The following CCDC30 variants were observed in gnomAD, a reference collection of about 807,000 sequenced individuals.
CCDC30 encodes the protein coiled-coil domain containing 30.
In CCDC30, 70 loss-of-function variants were observed where a neutral mutation model predicts 100.2. The observed-to-expected ratio is 0.70, with a 90% CI of 0.58 to 0.85. The LOEUF (loss-of-function observed/expected upper bound fraction) is 0.85. CCDC30 is among the 40% of genes least tolerant of loss of function. The pLI is 0.00. For synonymous variants in CCDC30, 233 were observed against 269.5 expected (o/e 0.86, Z 1.33); for missense variants, 652 against 771.2 (o/e 0.85, Z 1.83).
At chr1:42,461,696 G>A (rs1296628779), upstream of CCDC30, among the ~76,000 whole-genome samples, 5 of 152,052 alleles carry the variant, frequency 3.3e-5, no homozygotes, top group Middle Eastern at 3.4e-3. Context: ...ACAGGCGCCC[G>A]CCACCACGCC....
intron 10 of CCDC30, chr1:42,592,387 T>A (rs1646203803): frequency 6.6e-6 from 1 of 152,176 alleles, no homozygotes; most frequent in African/African-American, 2.4e-5. Flanking sequence ...ATAGTGAGTG[T>A]GCTCTTCATG....
chr1:42,566,501 T>C (rs1332217605), intron 7 of CCDC30, 26 bp downstream of exon 11: 3 of 1,593,916 alleles, frequency 1.9e-6, no homozygotes, highest in Non-Finnish European at 2.6e-6. Context: ...AAATGCTTTA[T>C]GGAAGGGTTT....
chr1:42,510,864 C>A (rs1244204112), intron 6 of CCDC30, among the ~76,000 whole-genome samples: 1 of 151,592 alleles, frequency 6.6e-6, no homozygotes, highest in African/African-American at 2.4e-5. Flanking sequence ...GATATGACTG[C>A]TATAAGGGCT....
rs113819256 is a variant in CCDC30 at position 42,502,592 on chromosome 1, G to A, written c.456+3676G>A. Among the ~76,000 whole-genome samples, 930 of 152,106 alleles carry A rather than the reference G, an allele frequency of 6.1e-3. 13 individuals are homozygous for A. The highest frequency in any genetic ancestry group is 0.022 in the African/African-American group (896 of 41,482). On this transcript the variant is annotated intron_variant, in intron 6 of 16. Coordinates refer to ENST00000668663, the Ensembl canonical transcript of CCDC30. ...CTGTAGACTGGAGCTGTTCCTATTCGGCCATCTTGGAACCTCCCTCGTGAA... is the reference window on the plus strand; with the variant it reads ...CTGTAGACTGGAGCTGTTCCTATTCAGCCATCTTGGAACCTCCCTCGTGAA...
chr1:42,572,766 A>G (rs1645758033), intron 7 of CCDC30, among the ~76,000 whole-genome samples: 1 of 152,044 alleles, frequency 6.6e-6, no homozygotes, highest in African/African-American at 2.4e-5. Flanking sequence ...ACAGGCACAC[A>G]CCACCATGCC....
chr1:42,456,685 T>TA, the CCDC30 span: 1 of 1,606,026 alleles, frequency 6.2e-7, no homozygotes, highest in African/African-American at 1.3e-5. Context: ...TGGTGTTGGT[T>TA]ACGTCAGGCG....
In CCDC30 at chr1:42,495,504, G is replaced by A. The variant is rs545495208; in HGVS notation, c.242-1594G>A. The stretch of plus-strand genomic sequence containing the variant: ...ACATGTACCCTAAAACTTAAAGTAT[G>A]ATAATAAAAAAATAAAAATAAAAAA... On this transcript the variant is annotated intron_variant, in intron 4 of 16. Coordinates refer to ENST00000668663, the Ensembl canonical transcript of CCDC30. 1.1e-3 allele frequency among the ~76,000 whole-genome samples: 167 copies of A among 146,384 alleles called. 3 individuals are homozygous for A. The South Asian group carries it at 0.035, about 30-fold the overall frequency.
intron 6 of CCDC30, among the ~76,000 whole-genome samples, chr1:42,549,011 A>G (rs1047316330): frequency 1.3e-5 from 2 of 152,178 alleles, no homozygotes; most frequent in Admixed American, 6.5e-5. Context: ...TTCTTTTGTC[A>G]TAGAGTAACG....
At chr1:42,465,821 A>C (rs1406661977) in intron 1 of CCDC30, among the ~76,000 whole-genome samples, 1 of 152,192 alleles carries the variant, frequency 6.6e-6, no homozygotes, top group East Asian at 1.9e-4. Context: ...CTTAATATGC[A>C]CAGAACTGCC....
chr1:42,479,581 A>AAAAAG (rs1557794359), intron 1 of CCDC30, among the ~76,000 whole-genome samples: 2 of 151,614 alleles, frequency 1.3e-5, no homozygotes, highest in African/African-American at 2.4e-5. Flanking sequence ...AAAAAAAAAA[A>AAAAAG]AGCCTCCCAA....
At chr1:42,615,614 A>T (rs1469622355) in intron 11 of CCDC30, among the ~76,000 whole-genome samples, 1 of 151,442 alleles carries the variant, frequency 6.6e-6, no homozygotes, top group Admixed American at 6.6e-5. Flanking sequence ...AGCAATTCTT[A>T]AAAAAAACCC....
chr1:42,526,459 C>T (rs780129622), intron 6 of CCDC30, among the ~76,000 whole-genome samples: 8 of 151,932 alleles, frequency 5.3e-5, no homozygotes, highest in Non-Finnish European at 1.2e-4. Flanking sequence ...TCAAATCATA[C>T]AAATGATATC....
intron 6 of CCDC30, among the ~76,000 whole-genome samples, chr1:42,532,291 G>A (rs909110030): frequency 6.6e-6 from 1 of 152,110 alleles, no homozygotes; most frequent in African/African-American, 2.4e-5. Context: ...TTTTCCATAA[G>A]AATTATTATG....
At position 42,649,367 on chromosome 1, in the gene CCDC30, T is replaced by C. The variant is rs139773980; in HGVS notation, c.1854+3050T>C. Among the ~76,000 whole-genome samples, 1,219 of 152,310 alleles carry C rather than the reference T, an allele frequency of 8.0e-3. 11 individuals are homozygous for C. The highest frequency in any genetic ancestry group is 0.013 in the Non-Finnish European group (911 of 68,028). Reference sequence around the variant, plus strand: ...GACAAAAACCATATGATCATCTTATTACATACAGAAAAAGCATCTGACAAA... The same window carrying C: ...GACAAAAACCATATGATCATCTTATCACATACAGAAAAAGCATCTGACAAA... On this transcript the variant is annotated intron_variant, in intron 15 of 16. Transcript: ENST00000668663.
chr1:42,541,019 G>A (rs1645001339), intron 6 of CCDC30, among the ~76,000 whole-genome samples: 1 of 152,132 alleles, frequency 6.6e-6, no homozygotes. Flanking sequence ...TTATGATTTT[G>A]ATATTTTCGA....
intron 13 of CCDC30, among the ~76,000 whole-genome samples, chr1:42,644,239 G>A (rs564041231): frequency 3.3e-5 from 5 of 152,260 alleles, no homozygotes; most frequent in South Asian, 2.1e-4. Context: ...GAGCCAGTCC[G>A]AGTCCCAAAA....
At chr1:42,566,221 C>A in intron 6 of CCDC30, 75 bp from the exon 11 acceptor site, 1 of 1,161,700 alleles carries the variant, frequency 8.6e-7, no homozygotes, top group Non-Finnish European at 1.2e-6. Flanking sequence ...AATTCCGGTT[C>A]TGACAACTTG....
rs1643655038 is a variant in CCDC30, at chr1:42,468,240, A to G, written c.-92+4342A>G. Among the ~76,000 whole-genome samples, 3 of 152,182 alleles carry G rather than the reference A, an allele frequency of 2.0e-5. No homozygotes were observed. The South Asian group carries it at 6.2e-4, about 32-fold the overall frequency. On this transcript the variant is annotated intron_variant, in intron 1 of 16. Transcript: ENST00000668663. ...AAAGTCAAAAATAAAACAATCTATA[A>G]CTGGTGGGGCAGCACCTTGAAATGG...
At chr1:42,510,440 C>T (rs1034690450) in intron 6 of CCDC30, among the ~76,000 whole-genome samples, 5 of 152,024 alleles carry the variant, frequency 3.3e-5, no homozygotes, top group African/African-American at 4.8e-5. Context: ...GGGCAGATCA[C>T]GAGGTCAGGA....
Sources: allele counts gnomAD v4.1 joint callset (sites outside exome capture counted in the v4.1 genomes callset), GRCh38; gene constraint gnomAD v4.1.1; transcripts MANE v1.5; gene names NCBI Gene and HGNC (gene_info 2026-07-23, HGNC 2026-07-21).